The following AGAP1 variants were observed in gnomAD, a reference collection of about 807,000 sequenced individuals.
AGAP1 encodes ArfGAP with GTPase domain, ankyrin repeat and PH domain 1.
AGAP1 carries 29 observed loss-of-function variants against 105.3 expected under a neutral mutation model. The ratio of observed to expected loss-of-function variants is 0.28; its 90% CI spans 0.21 to 0.38. The LOEUF is 0.38. AGAP1 is among the 10% of genes least tolerant of loss of function. The probability of loss-of-function intolerance (pLI) is 1.00; values close to 1 mark genes in which losing one functional copy is unlikely to be tolerated. For synonymous variants in AGAP1, 509 were observed against 485.9 expected, an observed-to-expected ratio of 1.05 and a Z score of -0.63; for missense variants, 998 against 1,165.1, an observed-to-expected ratio of 0.86 and a Z score of 2.09.
At chr2:236,007,655 C>T (rs755782991) in intron 13 of AGAP1, among the ~76,000 whole-genome samples, 14 of 151,950 alleles carry the variant, frequency 9.2e-5, no homozygotes, top group African/African-American at 1.5e-4. Context: ...AAAAAAGAAC[C>T]AAAGGGCCTG....
intron 9 of AGAP1, among the ~76,000 whole-genome samples, chr2:235,840,528 C>T (rs900774248): frequency 5.9e-5 from 9 of 152,106 alleles, no homozygotes; most frequent in African/African-American, 1.4e-4. Context: ...GTTGTCCTAG[C>T]GGTACCATGT....
intron 1 of AGAP1, among the ~76,000 whole-genome samples, chr2:235,537,570 T>TA (rs767427808): frequency 6.6e-6 from 1 of 152,200 alleles, no homozygotes; most frequent in Non-Finnish European, 1.5e-5. Flanking sequence ...TGGGCACGTG[T>TA]AAAATAGGAG....
chr2:235,684,008 C>T (rs112553777), intron 1 of AGAP1, among the ~76,000 whole-genome samples: 2,462 of 152,068 alleles, frequency 0.016, 48 homozygotes, highest in Non-Finnish European at 0.023. Context: ...GCTTCATCCA[C>T]GTCCCTGCAG....
chr2:235,679,670 A>C (rs1329778268), intron 1 of AGAP1, among the ~76,000 whole-genome samples: 1 of 152,188 alleles, frequency 6.6e-6, no homozygotes, highest in African/African-American at 2.4e-5. Flanking sequence ...AGCTAGTCTG[A>C]GTGCTGCGTC....
At chr2:236,043,610 C>T (rs1237778275) in intron 15 of AGAP1, among the ~76,000 whole-genome samples, 1 of 51,648 alleles carries the variant, frequency 1.9e-5, no homozygotes, top group African/African-American at 5.4e-5. Flanking sequence ...GCCTGTAATC[C>T]CGGCTACTTG....
At chr2:235,676,556 G>T (rs78317888) in intron 1 of AGAP1, among the ~76,000 whole-genome samples, 3,465 of 152,304 alleles carry the variant, frequency 0.023, 46 homozygotes, top group Middle Eastern at 0.041. Flanking sequence ...CACCAGCAAG[G>T]TGTTTGGGAT....
chr2:235,939,168 A>G (rs2053133654), intron 12 of AGAP1, among the ~76,000 whole-genome samples: 1 of 152,154 alleles, frequency 6.6e-6, no homozygotes, highest in South Asian at 2.1e-4. Context: ...ATGCAGTGAG[A>G]CAGGTCCCAG....
intron 9 of AGAP1, chr2:235,852,873 G>C (rs539949674): frequency 1.4e-6 from 2 of 1,383,920 alleles, no homozygotes; most frequent in Middle Eastern, 3.8e-4. Context: ...TTAACATAGA[G>C]GTGAACTCCA....
intron 1 of AGAP1, among the ~76,000 whole-genome samples, chr2:235,524,016 G>C (rs897023158): frequency 1.3e-5 from 2 of 152,216 alleles, no homozygotes; most frequent in African/African-American, 4.8e-5. Context: ...CCAGGGTGTG[G>C]GATTGTGCCC....
Position 236,051,624 on chromosome 2 carries a change from G to A in AGAP1, c.2114+2343G>A, listed in dbSNP as rs1332715933. ...GGGAGCCTCCCATGAATGAGGAGGA[G>A]CAGGAATGGGGGAGGCCCAAAGAGC... On this transcript the variant is annotated intron_variant, in intron 16 of 17. Transcript: ENST00000304032. This position sits in a 1 kb window ranked among gnomAD's most constrained non-coding sequence, Gnocchi z 5.9. Among the ~76,000 whole-genome samples, 1 of 152,184 alleles carries A rather than the reference G, an allele frequency of 6.6e-6. No individual in the cohort carries two copies. The highest frequency in any genetic ancestry group is 1.5e-5 in the Non-Finnish European group (1 of 68,024).
intron 12 of AGAP1, among the ~76,000 whole-genome samples, chr2:235,938,630 G>A (rs1004304787): frequency 6.6e-6 from 1 of 152,232 alleles, no homozygotes; most frequent in Non-Finnish European, 1.5e-5. Context: ...GGTGTGGTTT[G>A]TCTGCAGAAA....
Position 236,123,133 on chromosome 2 carries a change from G to A in AGAP1, c.2371-786G>A, listed in dbSNP as rs2059940195. 1.3e-5 allele frequency among the ~76,000 whole-genome samples: 2 copies of A among 152,170 alleles called. No homozygotes were observed. Among genetic ancestry groups the A allele is most frequent in the Non-Finnish European group, 2.9e-5 (2 of 68,034 alleles). On this transcript the variant is annotated intron_variant, in intron 17 of 17. Coordinates refer to ENST00000304032, the MANE Select transcript of AGAP1 (RefSeq NM_001037131.3). This position sits in a 1 kb window ranked among gnomAD's most constrained non-coding sequence, Gnocchi z 4.6. ...CTGTTGCCCAGGCTGGAGTGCAGTG[G>A]TGTGATGTCGGCCCACGGCAGCCTC...
At position 235,790,827 on chromosome 2, in the gene AGAP1, G is replaced by C. The variant is rs1382584668; in HGVS notation, c.674-6932G>C. 2.0e-5 allele frequency among the ~76,000 whole-genome samples: 3 copies of C among 152,224 alleles called. No homozygotes were observed. In the East Asian group the frequency reaches 5.8e-4, roughly 29 times the overall value. ...CATGGCCTCAAGCATTTCCAGAAGA[G>C]GTCCCAGCTCGGTGGAATTGGCCCA... On this transcript the variant is annotated intron_variant, in intron 6 of 17. Transcript: ENST00000304032.
intron 1 of AGAP1, among the ~76,000 whole-genome samples, chr2:235,676,535 A>G (rs139424402): frequency 6.6e-6 from 1 of 152,340 alleles, no homozygotes; most frequent in East Asian, 1.9e-4. Context: ...CCAGGTAGAG[A>G]AGAGTGACTC....
At chr2:236,069,155 T>A (rs1171263639) in intron 16 of AGAP1, among the ~76,000 whole-genome samples, 1 of 151,792 alleles carries the variant, frequency 6.6e-6, no homozygotes, top group Non-Finnish European at 1.5e-5. Context: ...AAATTTTAAA[T>A]AAAGCAAAAA....
At chr2:235,997,214 C>T (rs1038955482) in intron 13 of AGAP1, among the ~76,000 whole-genome samples, 4 of 152,148 alleles carry the variant, frequency 2.6e-5, no homozygotes, top group Non-Finnish European at 4.4e-5. Flanking sequence ...CTCAGCCTCC[C>T]GAGCAACTGG....
chr2:235,740,085 C>T lies in AGAP1; in HGVS notation c.311-878C>T, dbSNP rs2149657661. Among the ~76,000 whole-genome samples, 2 of 152,228 alleles carry T rather than the reference C, an allele frequency of 1.3e-5. No individual in the cohort carries two copies. The highest frequency in any genetic ancestry group is 4.2e-4 in the South Asian group (2 of 4,814). On this transcript the variant is annotated intron_variant, in intron 3 of 17. Transcript: ENST00000304032. The surrounding 1 kb of genome is among the most constrained non-coding windows in gnomAD (Gnocchi z 5.7). Reference sequence around the variant, plus strand: ...GGGTTCCCTAGCGTGGTCTCAGAGCCCAGGATCTGGAGGGGGACGTCTGTC... The same window carrying T: ...GGGTTCCCTAGCGTGGTCTCAGAGCTCAGGATCTGGAGGGGGACGTCTGTC...
In AGAP1 at chr2:236,002,328, T is replaced by C. The variant is rs1203640905; in HGVS notation, c.1645+33705T>C. 6.6e-6 allele frequency among the ~76,000 whole-genome samples: 1 copy of C among 152,146 alleles called. No homozygotes were observed. The highest frequency in any genetic ancestry group is 1.5e-5 in the Non-Finnish European group (1 of 68,028). ...CAGCCGGTGACTCAAAGCTCAAATATCATCCCCACCTGGACAGTCTGCAAA... is the reference window on the plus strand; with the variant it reads ...CAGCCGGTGACTCAAAGCTCAAATACCATCCCCACCTGGACAGTCTGCAAA... On this transcript the variant is annotated intron_variant, in intron 13 of 17. Coordinates refer to ENST00000304032, the MANE Select transcript of AGAP1 (RefSeq NM_001037131.3). This position sits in a 1 kb window ranked among gnomAD's most constrained non-coding sequence, Gnocchi z 4.3.
chr2:235,685,663 T>C (rs1445178244), intron 1 of AGAP1, among the ~76,000 whole-genome samples: 2 of 152,070 alleles, frequency 1.3e-5, no homozygotes, highest in Non-Finnish European at 2.9e-5. Context: ...TCATGCCATA[T>C]TGTTAGCACC....
Sources: allele counts gnomAD v4.1 joint callset (sites outside exome capture counted in the v4.1 genomes callset), GRCh38; gene constraint gnomAD v4.1.1; non-coding constraint Gnocchi (gnomAD v3.1); transcripts MANE v1.5; gene names NCBI Gene and HGNC (gene_info 2026-07-23, HGNC 2026-07-21).